The following CABLES1 variants were observed in gnomAD, a reference collection of about 807,000 sequenced individuals.
CABLES1 encodes CDK5 and ABL1 enzyme substrate 1.
Under a neutral mutation model 57.8 loss-of-function variants are expected in CABLES1, and 36 were observed. The ratio of observed to expected loss-of-function variants is 0.62; its 90% confidence interval spans 0.48 to 0.82. The LOEUF (loss-of-function observed/expected upper bound fraction) is 0.82, where lower values mean the gene tolerates loss of function less well. Ranked by LOEUF, CABLES1 falls within the 40% of genes least tolerant of loss-of-function variation. CABLES1 has a pLI of 0.00. For missense variants in CABLES1, 767 were observed against 836.6 expected (o/e 0.92, Z 1.03); for synonymous variants, 374 against 363.0 (o/e 1.03, Z -0.35).
intron 7 of CABLES1, among the ~76,000 whole-genome samples, chr18:23,241,215 A>G (rs1568084280): frequency 2.0e-5 from 3 of 149,270 alleles, no homozygotes; most frequent in African/African-American, 4.9e-5. Flanking sequence ...GTGTCAGTAG[A>G]TTTTTTTTTT....
At chr18:23,211,029 G>T (rs1467517685) in intron 3 of CABLES1, among the ~76,000 whole-genome samples, 6 of 151,748 alleles carry the variant, frequency 4.0e-5, no homozygotes, top group African/African-American at 1.5e-4. Flanking sequence ...TTTCTGGAAC[G>T]AGCAGCATGT....
chr18:23,136,579 A>G lies in CABLES1; in HGVS notation c.817A>G (p.Ser273Gly), dbSNP rs773931728. The G allele has an allele frequency of 3.3e-6, 5 of 1,496,638 alleles. No homozygotes were observed. Among genetic ancestry groups the G allele is most frequent in the Middle Eastern group, 1.8e-4 (1 of 5,668 alleles). The allele number at this position is 1,496,638 out of a possible 1,614,324, so 92.7% of individuals were successfully genotyped here. ...LEQPGQGGSTSAFEQLQRSRR... is the reference protein window; with the variant it reads ...LEQPGQGGSTGAFEQLQRSRR... Reference sequence around the variant, plus strand: ...GCAGCCAGGCCAGGGCGGCAGCACCAGCGCCTTCGAGCAGCTGCAGAGGTC... The same window carrying G: ...GCAGCCAGGCCAGGGCGGCAGCACCGGCGCCTTCGAGCAGCTGCAGAGGTC... Residue 273 changes from serine (S) to glycine (G), a missense_variant, in exon 1 of 10, where the codon AGC becomes GGC. By Grantham distance (56) the Ser-to-Gly change is moderately conservative (BLOSUM62 0). Transcript: ENST00000256925.
At chr18:23,230,461 C>T (rs949315220) in intron 4 of CABLES1, among the ~76,000 whole-genome samples, 1 of 152,184 alleles carries the variant, frequency 6.6e-6, no homozygotes, top group African/African-American at 2.4e-5. Context: ...TATGCCCACG[C>T]CTGTACGTGT....
At chr18:23,253,983 C>T (rs200394548) in intron 9 of CABLES1, 47 bp downstream of exon 9, 15 of 1,524,118 alleles carry the variant, frequency 9.8e-6, no homozygotes, top group Middle Eastern at 3.4e-4. Context: ...TGCTCCGGTC[C>T]GGGGTTCCTC....
intron 1 of CABLES1, among the ~76,000 whole-genome samples, chr18:23,181,388 T>C (rs1396685337): frequency 1.4e-5 from 2 of 146,842 alleles, no homozygotes; most frequent in African/African-American, 5.0e-5. Flanking sequence ...CCCAGCTACT[T>C]GGGAGGCTGA....
At chr18:23,215,056 A>G (rs2047431972) in intron 4 of CABLES1, among the ~76,000 whole-genome samples, 1 of 152,228 alleles carries the variant, frequency 6.6e-6, no homozygotes, top group Non-Finnish European at 1.5e-5. Flanking sequence ...TGACTCAGTC[A>G]TTGATGAGAT....
intron 3 of CABLES1, among the ~76,000 whole-genome samples, chr18:23,205,608 A>G (rs978003684): frequency 3.3e-5 from 5 of 152,158 alleles, no homozygotes; most frequent in African/African-American, 1.2e-4. Context: ...GTTTATTTGG[A>G]AACAGAGTTG....
chr18:23,218,684 C>CTCCCGCATCCTCACTTGCCCTGG (rs1568072717), intron 4 of CABLES1, among the ~76,000 whole-genome samples: 1 of 148,844 alleles, frequency 6.7e-6, no homozygotes, highest in Non-Finnish European at 1.5e-5. Context: ...ACTTGCCCTG[C>CTCCCGCATCCTCACTTGCCCTGG]CTCCCACCAT....
intron 3 of CABLES1, among the ~76,000 whole-genome samples, chr18:23,201,470 A>C (rs2047324781): frequency 6.6e-6 from 1 of 152,228 alleles, no homozygotes; most frequent in Admixed American, 6.5e-5. Context: ...CCTTGAAAAT[A>C]AGCTGAGTGA....
At chr18:23,144,130 C>A (rs771967380) in intron 1 of CABLES1, among the ~76,000 whole-genome samples, 2 of 152,242 alleles carry the variant, frequency 1.3e-5, no homozygotes, top group Admixed American at 1.3e-4. Flanking sequence ...GCTGCTCTCC[C>A]CATGCTCGTA....
At chr18:23,232,014 A>G (rs1018595003) in intron 4 of CABLES1, among the ~76,000 whole-genome samples, 6 of 152,292 alleles carry the variant, frequency 3.9e-5, no homozygotes, top group Admixed American at 1.3e-4. Flanking sequence ...ATGTACCAGT[A>G]CCGGCGAGAC....
At chr18:23,249,889 C>T (rs1260869948) in intron 7 of CABLES1, among the ~76,000 whole-genome samples, 3 of 152,298 alleles carry the variant, frequency 2.0e-5, no homozygotes. Context: ...GCATGGGGCA[C>T]GAGCTGGAAG....
At chr18:23,250,388 G>A (rs1340653293) in intron 7 of CABLES1, among the ~76,000 whole-genome samples, 2 of 152,200 alleles carry the variant, frequency 1.3e-5, no homozygotes, top group African/African-American at 4.8e-5. Context: ...GATGACTTGG[G>A]AAACAGGAGG....
chr18:23,148,917 C>A (rs1009840289), intron 1 of CABLES1, among the ~76,000 whole-genome samples: 3 of 152,140 alleles, frequency 2.0e-5, no homozygotes, highest in Admixed American at 2.0e-4. Flanking sequence ...GAGATGGAGT[C>A]TTGCTCTCTC....
At chr18:23,187,006 G>A (rs576284742) in intron 1 of CABLES1, among the ~76,000 whole-genome samples, 2 of 152,334 alleles carry the variant, frequency 1.3e-5, no homozygotes, top group African/African-American at 2.4e-5. Context: ...CTTCAGAGCT[G>A]CAGCTGCAAG....
chr18:23,169,424 C>T (rs1029260511), intron 1 of CABLES1, among the ~76,000 whole-genome samples: 1 of 152,160 alleles, frequency 6.6e-6, no homozygotes, highest in East Asian at 1.9e-4. Context: ...TGTAAGTATG[C>T]ATGATATGTT....
chr18:23,251,398 C>A (rs548239009), intron 7 of CABLES1, among the ~76,000 whole-genome samples: 1 of 152,112 alleles, frequency 6.6e-6, no homozygotes, highest in Non-Finnish European at 1.5e-5. Flanking sequence ...TTGCAGTGAG[C>A]CGAGATTGCG....
At chr18:23,143,336 C>T (rs1205012046) in intron 1 of CABLES1, among the ~76,000 whole-genome samples, 1 of 152,170 alleles carries the variant, frequency 6.6e-6, no homozygotes, top group Non-Finnish European at 1.5e-5. Flanking sequence ...GCCTCTCTGA[C>T]TCACCTGGTA....
intron 5 of CABLES1, among the ~76,000 whole-genome samples, chr18:23,235,651 T>G (rs1251968197): frequency 1.3e-5 from 2 of 152,226 alleles, no homozygotes; most frequent in African/African-American, 2.4e-5. Flanking sequence ...ATTTCTTCCA[T>G]GTAATAGGAA....
Sources: gnomAD v4.1 joint callset for allele counts (sites outside exome capture counted in the v4.1 genomes callset) on GRCh38, gnomAD v4.1.1 for gene constraint, MANE v1.5 for transcripts, NCBI Gene and HGNC (gene_info 2026-07-23, HGNC 2026-07-21) for gene names.